The following CDKL4 variants were observed in gnomAD, a reference collection of about 807,000 sequenced individuals.
CDKL4 encodes cyclin-dependent kinase-like 4.
A neutral mutation model predicts 42.0 loss-of-function variants in CDKL4; 44 were observed. The observed-to-expected ratio is 1.05, with a 90% CI of 0.82 to 1.35. The LOEUF is 1.35. CDKL4 is among the 40% of genes most tolerant of loss of function. The probability of loss-of-function intolerance (pLI) is 0.00; values close to 1 mark genes in which losing one functional copy is unlikely to be tolerated. For missense variants in CDKL4, 393 were observed against 369.9 expected (o/e 1.06, Z -0.51); for synonymous variants, 120 against 121.6 (o/e 0.99, Z 0.09).
intron 8 of CDKL4, among the ~76,000 whole-genome samples, chr2:39,181,415 A>C (rs1376279359): frequency 6.6e-6 from 1 of 152,106 alleles, no homozygotes; most frequent in Non-Finnish European, 1.5e-5. Flanking sequence ...ATCAAAGTTT[A>C]CCAGAGATTT....
chr2:39,214,635 G>C (rs538065232), intron 3 of CDKL4, among the ~76,000 whole-genome samples: 1 of 152,288 alleles, frequency 6.6e-6, no homozygotes, highest in Admixed American at 6.5e-5. Flanking sequence ...GATCCTGCAT[G>C]GATGAAATTC....
At chr2:39,229,994 G>A (rs1457889348) in intron 1 of CDKL4, among the ~76,000 whole-genome samples, 1 of 152,220 alleles carries the variant, frequency 6.6e-6, no homozygotes, top group African/African-American at 2.4e-5. Flanking sequence ...TGACTAGGAG[G>A]AGTTGTGTAA....
chr2:39,178,989 T>G, intron 9 of CDKL4, 198 bp downstream of exon 9: 8 of 1,442,216 alleles, frequency 5.5e-6, no homozygotes, highest in Non-Finnish European at 7.3e-6. Flanking sequence ...GGAATAAGAT[T>G]TTTGCAATAA....
the CDKL4 span, among the ~76,000 whole-genome samples, chr2:39,168,596 G>A: frequency 2.6e-5 from 4 of 151,720 alleles, no homozygotes; most frequent in African/African-American, 9.7e-5. Context: ...TTAGCTGGGT[G>A]TGGTGGCTCA....
chr2:39,179,220 T>C (rs145529780), exon 9 of CDKL4: 152 of 1,613,246 alleles, frequency 9.4e-5, no homozygotes, highest in South Asian at 1.8e-4. Context: ...CTTCATTACG[T>C]GCTTTTCTTT....
intron 1 of CDKL4, among the ~76,000 whole-genome samples, chr2:39,231,423 T>G (rs1009088278): frequency 1.3e-5 from 2 of 152,328 alleles, no homozygotes; most frequent in South Asian, 4.1e-4. Context: ...AAAGAAATAA[T>G]CTACTTCCAC....
At chr2:39,217,380 T>C (rs1186373519) in intron 3 of CDKL4, among the ~76,000 whole-genome samples, 1 of 152,298 alleles carries the variant, frequency 6.6e-6, no homozygotes, top group East Asian at 1.9e-4. Context: ...GAATTCAGAC[T>C]GAACTGCTCA....
intron 3 of CDKL4, among the ~76,000 whole-genome samples, chr2:39,223,585 T>A (rs1388987352): frequency 6.9e-6 from 1 of 145,022 alleles, no homozygotes; most frequent in Non-Finnish European, 1.5e-5. Context: ...CCTTCTCTTT[T>A]TTTTTTTTTT....
Position 39,199,052 on chromosome 2 carries a change from T to C in CDKL4, c.454+5475A>G, listed in dbSNP as rs1456255167. Among the ~76,000 whole-genome samples the C allele has an allele frequency of 2.0e-5, 3 of 151,672 alleles. No homozygotes were observed. The East Asian group carries it at 5.8e-4, about 29-fold the overall frequency. ...ACAAAAGATAAATGAAACACAAATC[T>C]GGTTCTTTGAAAAGATAAATAAAAT... On this transcript the variant is annotated intron_variant, in intron 5 of 9. Coordinates refer to ENST00000451199, the Ensembl canonical transcript of CDKL4.
At chr2:39,197,616 C>T (rs774720828) in intron 5 of CDKL4, among the ~76,000 whole-genome samples, 10 of 152,136 alleles carry the variant, frequency 6.6e-5, no homozygotes, top group African/African-American at 9.7e-5. Context: ...TAAAGGAAAA[C>T]CTATCAGATT....
At chr2:39,200,017 G>A (rs534865416) in intron 5 of CDKL4, among the ~76,000 whole-genome samples, 2 of 152,060 alleles carry the variant, frequency 1.3e-5, no homozygotes, top group African/African-American at 2.4e-5. Flanking sequence ...AAAATAAAGG[G>A]CATCTAAATT....
chr2:39,241,304 A>G (rs1471604266), intron 1 of CDKL4, among the ~76,000 whole-genome samples: 3 of 152,226 alleles, frequency 2.0e-5, no homozygotes, highest in Non-Finnish European at 4.4e-5. Flanking sequence ...CAACATAAAA[A>G]TTGAGCAAAA....
At position 39,225,975 on chromosome 2, in the gene CDKL4, A is replaced by T; in HGVS notation, c.169-15T>A. On this transcript the variant is annotated splice_polypyrimidine_tract_variant and intron_variant, in intron 2 of 9. Coordinates refer to ENST00000451199, the Ensembl canonical transcript of CDKL4. Reference sequence around the variant, plus strand: ...TGTTTTAATTGCTGTGAAAGAATTGAAATGCAAAGTTAAGTGATCTGTTAC... The same window carrying T: ...TGTTTTAATTGCTGTGAAAGAATTGTAATGCAAAGTTAAGTGATCTGTTAC... 6.2e-7 allele frequency: 1 copy of T among 1,605,620 alleles called. No homozygotes were observed. Among genetic ancestry groups the T allele is most frequent in the African/African-American group, 1.3e-5 (1 of 74,452 alleles).
intron 1 of CDKL4, among the ~76,000 whole-genome samples, chr2:39,233,342 G>A (rs1207270230): frequency 6.6e-6 from 1 of 152,094 alleles, no homozygotes; most frequent in African/African-American, 2.4e-5. Flanking sequence ...TGGGTCTCAA[G>A]GTGGCACTAG....
chr2:39,225,318 C>A (rs1424782668), intron 3 of CDKL4, among the ~76,000 whole-genome samples: 1 of 151,736 alleles, frequency 6.6e-6, no homozygotes, highest in Non-Finnish European at 1.5e-5. Flanking sequence ...AGGCAGAGAA[C>A]TGCTTGAACC....
chr2:39,195,044 C>T (rs532677147), intron 5 of CDKL4, among the ~76,000 whole-genome samples: 15 of 152,230 alleles, frequency 9.9e-5, no homozygotes, highest in East Asian at 7.7e-4. Flanking sequence ...AGGTAGAGCA[C>T]GTAAATAGAA....
chr2:39,227,054 C>T (rs1195868542), intron 2 of CDKL4, among the ~76,000 whole-genome samples: 11 of 151,898 alleles, frequency 7.2e-5, no homozygotes, highest in Admixed American at 3.9e-4. Flanking sequence ...TCAATGTGCT[C>T]GGATTACAGG....
chr2:39,178,787 G>A, intron 9 of CDKL4: 1 of 1,576,514 alleles, frequency 6.3e-7, no homozygotes, highest in Non-Finnish European at 8.6e-7. Context: ...GAAGAGTCAA[G>A]TTACCGTTAT....
intron 3 of CDKL4, among the ~76,000 whole-genome samples, chr2:39,225,636 T>C (rs1543026): frequency 0.039 from 5,923 of 152,256 alleles, 401 homozygotes; most frequent in African/African-American, 0.14. Flanking sequence ...TTTATATCTG[T>C]GGTAGGTTTT....
Sources: allele counts gnomAD v4.1 joint callset (sites outside exome capture counted in the v4.1 genomes callset), GRCh38; gene constraint gnomAD v4.1.1; transcripts MANE v1.5; gene names NCBI Gene and HGNC (gene_info 2026-07-23, HGNC 2026-07-21).